The following PTGES3L variants were observed in gnomAD, a reference collection of about 807,000 sequenced individuals.
PTGES3L encodes prostaglandin E synthase 3 like.
In PTGES3L, 17 loss-of-function variants were observed where a neutral mutation model predicts 25.0. That is an observed-to-expected ratio of 0.68 (90% confidence interval 0.47 to 1.02). The LOEUF (loss-of-function observed/expected upper bound fraction) is 1.02. Among genes scored for constraint, PTGES3L ranks in the 50% least tolerant of loss-of-function variants. The pLI, the probability that PTGES3L is intolerant of heterozygous loss-of-function variation, is 0.00. For missense variants in PTGES3L, 202 were observed against 197.5 expected (o/e 1.02, Z -0.14); for synonymous variants, 59 against 65.7 (o/e 0.90, Z 0.50).
chr17:42,970,676 G>GCA (rs57542042), intron 5 of PTGES3L, among the ~76,000 whole-genome samples: 11,164 of 143,852 alleles, frequency 0.078, 453 homozygotes, highest in African/African-American at 0.11. Context: ...CTTAACACGC[G>GCA]CACACACACA....
intron 4 of PTGES3L, among the ~76,000 whole-genome samples, chr17:42,972,889 C>T (rs2049873207): frequency 2.0e-5 from 3 of 147,524 alleles, no homozygotes; most frequent in Admixed American, 2.0e-4. Context: ...GCGCCTCTTC[C>T]CGGCCGCCAT....
chr17:42,969,233 A>T, intron 6 of PTGES3L, 47 bp from the exon 7 acceptor site: 2 of 1,045,932 alleles, frequency 1.9e-6, no homozygotes, highest in Non-Finnish European at 2.8e-6. Flanking sequence ...GACCCTGCAA[A>T]GCAGGAACAT....
rs1313895444 is a variant in PTGES3L, at chr17:42,979,536, G to A, written c.122+14C>T. The A allele has an allele frequency of 3.1e-6, 5 of 1,614,014 alleles. No homozygotes were observed. The highest frequency in any genetic ancestry group is 4.2e-6 in the Non-Finnish European group (5 of 1,179,982). Reference sequence around the variant, plus strand: ...TTCCTGGGAAGCCAGGCCCTCGGACGGCAGGGCCACTACCTGAACACAATG... The same window carrying A: ...TTCCTGGGAAGCCAGGCCCTCGGACAGCAGGGCCACTACCTGAACACAATG... On this transcript the variant is annotated intron_variant, in intron 2 of 6. Coordinates refer to ENST00000591916, the MANE Select transcript of PTGES3L (RefSeq NM_001261430.2).
At chr17:42,978,964 C>T (rs988518550) in intron 4 of PTGES3L, among the ~76,000 whole-genome samples, 1 of 152,172 alleles carries the variant, frequency 6.6e-6, no homozygotes, top group Non-Finnish European at 1.5e-5. Flanking sequence ...CACGCCACTG[C>T]ACTCCAGCCT....
chr17:42,979,988 G>C (rs760281023), intron 1 of PTGES3L, 58 bp downstream of exon 1: 28 of 1,512,622 alleles, frequency 1.9e-5, no homozygotes, highest in Non-Finnish European at 2.1e-5. Context: ...AGAAGACTTG[G>C]AGCAGGGAAT....
intron 4 of PTGES3L, among the ~76,000 whole-genome samples, chr17:42,977,691 G>GA (rs1555566239): frequency 4.9e-4 from 53 of 108,940 alleles, no homozygotes; most frequent in African/African-American, 2.0e-3. Flanking sequence ...GAGAAAGAAA[G>GA]AAAAGAAAGA....
Position 42,979,237 on chromosome 17 carries a change from A to G in PTGES3L, c.221T>C (p.Ile74Thr). The change falls in exon 4 of 7, where the codon ATT (isoleucine) becomes ACT (threonine). Residue 74 changes from isoleucine to threonine, a missense_variant. By Grantham distance (89) the Ile-to-Thr change is moderately conservative. Coordinates refer to ENST00000591916, the MANE Select transcript of PTGES3L (RefSeq NM_001261430.2). ...DSQDKRSSRS[I>T]TCFVRKWKEK... ...CTTCCATTTTCTCACAAAACAAGTA[A>G]TAGAGCGGGAAGAGCGCTTATCCTG... is the stretch of plus-strand genomic sequence containing the variant. The G allele has an allele frequency of 1.9e-6, 3 of 1,614,134 alleles. No homozygotes were observed. Among genetic ancestry groups the G allele is most frequent in the Non-Finnish European group, 2.5e-6 (3 of 1,180,014 alleles).
Position 42,969,096 on chromosome 17 carries a change from GAAC to G in PTGES3L, c.*49_*51del, listed in dbSNP as rs1040809293. 2.8e-6 allele frequency: 4 copies of G among 1,435,236 alleles called. No individual in the cohort carries two copies. In the African/African-American group the frequency reaches 5.8e-5, roughly 21 times the overall value. The allele number at this position is 1,435,236 out of a possible 1,614,324, so 88.9% of individuals were successfully genotyped here. The stretch of plus-strand genomic sequence containing the variant: ...CAAAGGCCTAGGCGCTAGCTTTCTA[GAAC>G]AACTGGAAAATAGCCACAGCTGCCT... On this transcript the variant is annotated 3_prime_UTR_variant, in exon 7 of 7. Transcript: ENST00000591916.
chr17:42,969,056 C>A lies in PTGES3L; in HGVS notation c.*92G>T. ...AGAGATCTCAGAAGAACTTGGTGCA[C>A]AGCCAAAGCGCTGACAAAGGCCTAG... is the stretch of plus-strand genomic sequence containing the variant. On this transcript the variant is annotated 3_prime_UTR_variant, in exon 7 of 7. Coordinates refer to ENST00000591916, the MANE Select transcript of PTGES3L (RefSeq NM_001261430.2). 3.2e-6 allele frequency: 3 copies of A among 940,322 alleles called. No homozygotes were observed. Among genetic ancestry groups the A allele is most frequent in the Non-Finnish European group, 3.3e-6 (2 of 604,616 alleles). 58.2% of individuals were successfully genotyped at this position (940,322 alleles called of 1,614,324 possible).
At chr17:42,973,806 A>C (rs12939714) in intron 4 of PTGES3L, among the ~76,000 whole-genome samples, 116,017 of 143,668 alleles carry the variant, frequency 0.81, 49,194 homozygotes, top group East Asian at 1. Context: ...CATGCTCGTT[A>C]AGAGTCATCA....
intron 4 of PTGES3L, among the ~76,000 whole-genome samples, chr17:42,973,542 G>C (rs1402666877): frequency 2.6e-5 from 4 of 152,058 alleles, no homozygotes; most frequent in Non-Finnish European, 5.9e-5. Context: ...GCGGCTTTGT[G>C]GAATAGAAAG....
At chr17:42,977,670 A>G (rs934726758) in intron 4 of PTGES3L, among the ~76,000 whole-genome samples, 8 of 117,334 alleles carry the variant, frequency 6.8e-5, no homozygotes, top group African/African-American at 2.5e-4. Flanking sequence ...GAAGGGAGGG[A>G]GAGAGAGAGA....
chr17:42,977,093 C>A (rs1308656603), intron 4 of PTGES3L, among the ~76,000 whole-genome samples: 1 of 151,782 alleles, frequency 6.6e-6, no homozygotes, highest in African/African-American at 2.4e-5. Flanking sequence ...AAGTTCGAGA[C>A]CAGCCTAGTC....
chr17:42,971,381 C>A (rs937790659), intron 5 of PTGES3L, among the ~76,000 whole-genome samples: 1 of 152,114 alleles, frequency 6.6e-6, no homozygotes, highest in Non-Finnish European at 1.5e-5. Context: ...AGGCTCTACA[C>A]TGAATAAGTG....
At position 42,968,532 on chromosome 17, in the gene PTGES3L, GAAA is replaced by G. The variant is rs748426851; in HGVS notation, c.*613_*615del. 3 of 136,142 alleles carry G rather than the reference GAAA, an allele frequency of 2.2e-5. No individual in the cohort carries two copies. Among genetic ancestry groups the G allele is most frequent in the Non-Finnish European group, 3.2e-5 (2 of 62,534 alleles). 8.4% of individuals were successfully genotyped at this position (136,142 alleles called of 1,614,324 possible). ...GGCGACAGAGCAAGACTCCATCTCG[GAAA>G]AAAAAAAAAAAAGTATAAAGAGATT... On this transcript the variant is annotated 3_prime_UTR_variant, in exon 7 of 7. Transcript: ENST00000591916.
In PTGES3L at chr17:42,979,207, T is replaced by C; in HGVS notation, c.251A>G (p.Lys84Arg). 1 of 1,614,032 alleles carries C rather than the reference T, an allele frequency of 6.2e-7. No individual in the cohort carries two copies. Among genetic ancestry groups the C allele is most frequent in the African/African-American group, 1.3e-5 (1 of 74,998 alleles). ...CTTGGTAAGCCGCGGCCAGGCCACC[T>C]TTTCCTTCCATTTTCTCACAAAACA... ...ITCFVRKWKE[K>R]VAWPRLTKED... The change falls in exon 4 of 7, where the codon AAG (lysine) becomes AGG (arginine). Residue 84 changes from lysine to arginine, a missense_variant. By Grantham distance (26) the Lys-to-Arg change is conservative. Coordinates refer to ENST00000591916, the MANE Select transcript of PTGES3L (RefSeq NM_001261430.2).
chr17:42,976,125 G>C (rs147780202), intron 4 of PTGES3L, among the ~76,000 whole-genome samples: 2,230 of 152,110 alleles, frequency 0.015, 57 homozygotes, highest in African/African-American at 0.05. Context: ...TGGCACTACA[G>C]GCTCGCACCA....
At position 42,973,864 on chromosome 17, in the gene PTGES3L, C is replaced by T. The variant is rs1427831935; in HGVS notation, c.289-2168G>A. On this transcript the variant is annotated intron_variant, in intron 4 of 6. Transcript: ENST00000591916. ...CAGGGACACAAACACTGCGGAAGGC[C>T]GCAGGGTCCTCTGCCTAGGAAAACC... 3.6e-4 allele frequency among the ~76,000 whole-genome samples: 51 copies of T among 142,346 alleles called. No homozygotes were observed. In the South Asian group the frequency reaches 4.8e-3, roughly 14 times the overall value. 93.4% of individuals were successfully genotyped at this position (142,346 alleles called of 152,430 possible). A position where few individuals can be genotyped will look rare whatever the true frequency, so the allele number is the denominator to read the frequency against.
intron 6 of PTGES3L, among the ~76,000 whole-genome samples, chr17:42,969,677 C>T (rs1490812150): frequency 6.6e-6 from 1 of 151,104 alleles, no homozygotes; most frequent in East Asian, 2.0e-4. Flanking sequence ...GCTGGGATTA[C>T]AGGCGTGAGC....
Sources: gnomAD v4.1 joint callset for allele counts (sites outside exome capture counted in the v4.1 genomes callset) on GRCh38, gnomAD v4.1.1 for gene constraint, MANE v1.5 for transcripts, NCBI Gene and HGNC (gene_info 2026-07-23, HGNC 2026-07-21) for gene names.